BRINP3: variants seen among roughly 807,000 people sequenced by gnomAD.
BRINP3 encodes the protein BMP/retinoic acid inducible neural specific 3, also known as BMP/retinoic acid-inducible neural-specific protein 3.
BRINP3 carries 19 observed loss-of-function variants against 71.0 expected under a neutral mutation model. That is an observed-to-expected ratio of 0.27 (90% confidence interval 0.19 to 0.39). The LOEUF (loss-of-function observed/expected upper bound fraction) is 0.39, where lower values mean the gene tolerates loss of function less well. Ranked by LOEUF, BRINP3 falls within the 10% of genes least tolerant of loss-of-function variation. The pLI, the probability that BRINP3 is intolerant of heterozygous loss-of-function variation, is 1.00. For missense variants in BRINP3, 959 were observed against 940.8 expected, an observed-to-expected ratio of 1.02 and a Z score of -0.25; for synonymous variants, 380 against 337.7, an observed-to-expected ratio of 1.13 and a Z score of -1.37.
intron 2 of BRINP3, among the ~76,000 whole-genome samples, chr1:190,339,759 G>A (rs369495221): frequency 3.7e-4 from 56 of 151,870 alleles, no homozygotes; most frequent in African/African-American, 1.2e-3. Context: ...TTCTGTTATC[G>A]TATGGGTGTG....
chr1:190,368,363 CCTCCCGCTGGGTCT>C, intron 2 of BRINP3, among the ~76,000 whole-genome samples: 1 of 152,200 alleles, frequency 6.6e-6, no homozygotes, highest in East Asian at 1.9e-4. Flanking sequence ...GATTAAATTA[CCTCCCGCTGGGTCT>C]CTCCTGCGGC....
intron 7 of BRINP3, among the ~76,000 whole-genome samples, chr1:190,142,455 G>A (rs925668553): frequency 2.6e-5 from 4 of 152,172 alleles, no homozygotes; most frequent in East Asian, 3.9e-4. Flanking sequence ...TTGCTTTTGC[G>A]CTGGCATTGG....
At chr1:190,359,361 T>C (rs1668978110) in intron 2 of BRINP3, among the ~76,000 whole-genome samples, 1 of 152,044 alleles carries the variant, frequency 6.6e-6, no homozygotes, top group Admixed American at 6.6e-5. Context: ...ACCAATGGTG[T>C]GATTTAAGGT....
chr1:190,303,778 T>C (rs1296520130), intron 2 of BRINP3, among the ~76,000 whole-genome samples: 1 of 151,822 alleles, frequency 6.6e-6, no homozygotes, highest in Non-Finnish European at 1.5e-5. Context: ...TAATGTGATA[T>C]ATGTGAAAAT....
chr1:190,365,717 C>T (rs963251089), intron 2 of BRINP3, among the ~76,000 whole-genome samples: 3 of 140,696 alleles, frequency 2.1e-5, no homozygotes, highest in African/African-American at 7.8e-5. Context: ...TATAATAGTG[C>T]TATAATATTA....
chr1:190,339,615 A>T (rs2103106394), intron 2 of BRINP3, among the ~76,000 whole-genome samples: 1 of 152,098 alleles, frequency 6.6e-6, no homozygotes, highest in African/African-American at 2.4e-5. Flanking sequence ...GATTTCATTC[A>T]GAGTGGCTCA....
chr1:190,329,497 C>T (rs1251981029), intron 2 of BRINP3, among the ~76,000 whole-genome samples: 2 of 151,508 alleles, frequency 1.3e-5, no homozygotes, highest in Non-Finnish European at 2.9e-5. Flanking sequence ...AAGACCTCTA[C>T]ACAGCTACAA....
chr1:190,405,229 A>T (rs1027978404), intron 2 of BRINP3, among the ~76,000 whole-genome samples: 50 of 152,114 alleles, frequency 3.3e-4, no homozygotes, highest in African/African-American at 1.1e-3. Context: ...AGGCGGGCGG[A>T]TCACGAGGTC....
At chr1:190,374,422 C>T (rs1198766465) in intron 2 of BRINP3, among the ~76,000 whole-genome samples, 1 of 152,026 alleles carries the variant, frequency 6.6e-6, no homozygotes, top group African/African-American at 2.4e-5. Context: ...CATTATTATC[C>T]AACACAGTAC....
chr1:190,278,049 A>G (rs1256765731), intron 3 of BRINP3, among the ~76,000 whole-genome samples: 1 of 151,772 alleles, frequency 6.6e-6, no homozygotes, highest in Non-Finnish European at 1.5e-5. Flanking sequence ...AAAGGCTTCA[A>G]GTATGGTACC....
At chr1:190,416,897 C>T (rs768275721) in intron 2 of BRINP3, among the ~76,000 whole-genome samples, 3 of 152,102 alleles carry the variant, frequency 2.0e-5, no homozygotes, top group Admixed American at 6.6e-5. Context: ...GTAGAGACAC[C>T]GGAAGTTTTC....
chr1:190,225,036 T>C (rs1657221087), intron 6 of BRINP3, among the ~76,000 whole-genome samples: 1 of 151,972 alleles, frequency 6.6e-6, no homozygotes, highest in Admixed American at 6.6e-5. Flanking sequence ...GGTGGAAATA[T>C]AGATTAGTAG....
chr1:190,292,724 G>A (rs1012645697), intron 2 of BRINP3, among the ~76,000 whole-genome samples: 7 of 152,046 alleles, frequency 4.6e-5, no homozygotes, highest in Admixed American at 4.6e-4. Context: ...TTTAATCTTT[G>A]TACTCACTAT....
At chr1:190,476,589 G>C (rs1677518882) in intron 1 of BRINP3, among the ~76,000 whole-genome samples, 1 of 152,160 alleles carries the variant, frequency 6.6e-6, no homozygotes, top group Non-Finnish European at 1.5e-5. Flanking sequence ...ATATTAACAT[G>C]CCTATTAAAC....
chr1:190,168,099 G>A (rs1651710865), intron 6 of BRINP3, among the ~76,000 whole-genome samples: 1 of 152,074 alleles, frequency 6.6e-6, no homozygotes, highest in African/African-American at 2.4e-5. Context: ...TACACAGATA[G>A]TTCAATGTGC....
At chr1:190,301,635 T>C (rs920838276) in intron 2 of BRINP3, among the ~76,000 whole-genome samples, 48 of 151,870 alleles carry the variant, frequency 3.2e-4, no homozygotes, top group African/African-American at 7.7e-4. Context: ...TTTTGGAATA[T>C]ACAGATATAT....
intron 2 of BRINP3, among the ~76,000 whole-genome samples, chr1:190,442,179 C>A (rs1214526215): frequency 1.3e-5 from 2 of 152,050 alleles, no homozygotes; most frequent in Admixed American, 1.3e-4. Flanking sequence ...TAAAAATTTG[C>A]TTTCATATAA....
intron 5 of BRINP3, among the ~76,000 whole-genome samples, chr1:190,228,494 A>G (rs1254917486): frequency 6.6e-6 from 1 of 151,996 alleles, no homozygotes; most frequent in African/African-American, 2.4e-5. Context: ...TAGAGAAGGC[A>G]GGAGAAGTAA....
At chr1:190,205,116 TGA>T (rs1655382386) in intron 6 of BRINP3, among the ~76,000 whole-genome samples, 1 of 152,018 alleles carries the variant, frequency 6.6e-6, no homozygotes, top group South Asian at 2.1e-4. Flanking sequence ...CATGTTCAAG[TGA>T]GAGTTTGTTC....
Sources: gnomAD v4.1 joint callset for allele counts (sites outside exome capture counted in the v4.1 genomes callset) on GRCh38, gnomAD v4.1.1 for gene constraint, MANE v1.5 for transcripts, NCBI Gene and HGNC (gene_info 2026-07-23, HGNC 2026-07-21) for gene names.